Variants in NEK1 observed in about 807,000 individuals in gnomAD.
NEK1 encodes the protein serine/threonine-protein kinase Nek1.
A neutral mutation model predicts 182.1 loss-of-function variants in NEK1; 137 were observed. That is an observed-to-expected ratio of 0.75 (90% CI 0.65 to 0.87). NEK1 has a LOEUF of 0.87. Ranked by LOEUF, NEK1 falls within the 40% of genes least tolerant of loss-of-function variation. The pLI is 0.00. For synonymous variants in NEK1, 513 were observed against 492.2 expected (o/e 1.04, Z -0.56); for missense variants, 1,391 against 1,494.4 (o/e 0.93, Z 1.14).
chr4:169,524,672 G>C (rs1430226991), intron 19 of NEK1, among the ~76,000 whole-genome samples: 1 of 152,150 alleles, frequency 6.6e-6, no homozygotes, highest in Non-Finnish European at 1.5e-5. Flanking sequence ...GAAAAAAGAT[G>C]AAATAGGGGT....
intron 10 of NEK1, among the ~76,000 whole-genome samples, chr4:169,581,433 A>C (rs1766634274): frequency 6.6e-6 from 1 of 151,962 alleles, no homozygotes; most frequent in Non-Finnish European, 1.5e-5. Context: ...TGCCAGGCTG[A>C]TTTAAAAAAA....
intron 28 of NEK1, among the ~76,000 whole-genome samples, chr4:169,435,525 G>A (rs1189507242): frequency 6.6e-6 from 1 of 152,118 alleles, no homozygotes; most frequent in Non-Finnish European, 1.5e-5. Context: ...TCAACTAGAG[G>A]GAGCTCTGTT....
rs10007936 is a variant in NEK1 at position 169,587,300 on chromosome 4, T to C, written c.606+259A>G. 0.089 allele frequency among the ~76,000 whole-genome samples: 13,521 copies of C among 151,768 alleles called. 788 individuals carry two copies. Among genetic ancestry groups the C allele is most frequent in the African/African-American group, 0.16 (6,732 of 41,402 alleles). On this transcript the variant is annotated intron_variant, in intron 9 of 35. Transcript: ENST00000507142. ...CATACAAAATTTAACATTAAGAAAA[T>C]AGCAAAATTTATTTCTGTCATTAGA... is the stretch of plus-strand genomic sequence containing the variant.
chr4:169,478,046 T>C (rs1747291505), intron 24 of NEK1, among the ~76,000 whole-genome samples: 1 of 152,050 alleles, frequency 6.6e-6, no homozygotes, highest in African/African-American at 2.4e-5. Flanking sequence ...CTGAGTCATT[T>C]GTACTACAAA....
At chr4:169,400,790 T>C in intron 33 of NEK1, 139 bp from the exon 34 acceptor site, 1 of 595,344 alleles carries the variant, frequency 1.7e-6, no homozygotes, top group Non-Finnish European at 2.6e-6. Context: ...GTTTTTGTCA[T>C]TTTAATATTT....
chr4:169,475,866 C>G (rs1381099725), intron 26 of NEK1, among the ~76,000 whole-genome samples: 1 of 151,994 alleles, frequency 6.6e-6, no homozygotes, highest in African/African-American at 2.4e-5. Context: ...AAAAGACTAT[C>G]ATCTATTAAA....
At chr4:169,431,756 C>G (rs1426453978) in intron 29 of NEK1, among the ~76,000 whole-genome samples, 1 of 150,882 alleles carries the variant, frequency 6.6e-6, no homozygotes, top group African/African-American at 2.4e-5. Context: ...AAATTAGACT[C>G]CGTCTCCACC....
At chr4:169,438,457 C>A (rs1031486750) in intron 27 of NEK1, among the ~76,000 whole-genome samples, 198 bp from the exon 28 acceptor site, 1 of 152,166 alleles carries the variant, frequency 6.6e-6, no homozygotes, top group African/African-American at 2.4e-5. Context: ...ATAATAATTT[C>A]TATGGTGGTC....
At chr4:169,445,643 T>C (rs1740353191) in intron 27 of NEK1, among the ~76,000 whole-genome samples, 1 of 149,808 alleles carries the variant, frequency 6.7e-6, no homozygotes, top group Admixed American at 6.6e-5. Flanking sequence ...GACACAAAGG[T>C]GAAAATAATA....
chr4:169,581,612 T>C (rs1766665940), intron 10 of NEK1, among the ~76,000 whole-genome samples: 1 of 152,168 alleles, frequency 6.6e-6, no homozygotes, highest in Non-Finnish European at 1.5e-5. Context: ...GTTCTCCAGA[T>C]AGAGGCTTTC....
chr4:169,437,223 AT>A (rs57720571), intron 28 of NEK1, among the ~76,000 whole-genome samples: 150,796 of 151,524 alleles, frequency 1, 75,037 homozygotes, highest in Middle Eastern at 1. Context: ...CAAATAACTA[AT>A]TTTTTTTTTT....
intron 27 of NEK1, among the ~76,000 whole-genome samples, chr4:169,452,802 A>G (rs1367241905): frequency 6.6e-6 from 1 of 152,186 alleles, no homozygotes; most frequent in Non-Finnish European, 1.5e-5. Context: ...TAGTGTTGGA[A>G]GTTCTGGCCA....
chr4:169,511,798 C>T (rs538031462), intron 19 of NEK1, among the ~76,000 whole-genome samples: 51 of 152,208 alleles, frequency 3.4e-4, no homozygotes, highest in Middle Eastern at 3.4e-3. Flanking sequence ...CCTAACCCAT[C>T]GACCATTAAA....
At chr4:169,417,754 T>C (rs904609837) in intron 31 of NEK1, among the ~76,000 whole-genome samples, 5 of 152,122 alleles carry the variant, frequency 3.3e-5, no homozygotes, top group Admixed American at 6.5e-5. Context: ...ACAAAATACA[T>C]GACATTGTGT....
At chr4:169,424,442 G>T in intron 31 of NEK1, 111 bp downstream of exon 31, 1 of 1,240,772 alleles carries the variant, frequency 8.1e-7, no homozygotes, top group Non-Finnish European at 1.1e-6. Context: ...TGTTGGATGT[G>T]TGTTTGTGTC....
In NEK1 at chr4:169,562,181, C is replaced by G. The variant is rs374347230; in HGVS notation, c.1036G>C (p.Glu346Gln). 3.2e-6 allele frequency: 5 copies of G among 1,547,800 alleles called. No homozygotes were observed. The Admixed American group carries it at 5.9e-5, about 18-fold the overall frequency. ...QKHKQAHQTP[E>Q]KRVNTGEERR... ...TCTTCTCCAGTATTCACTCTCTTCT[C>G]TGGAGTTTGATGGGCCTGGACAAAA... The change falls in exon 13 of 36, where the codon GAG becomes CAG. Residue 346 changes from glutamate (E) to glutamine (Q), a missense_variant. Physicochemically the swap from Glu to Gln is conservative, Grantham distance 29. Around this residue, in one of 5 missense-constraint regions of NEK1, gnomAD observed 1,216 missense variants for 1,277.6 expected, o/e 0.95. Transcript: ENST00000507142.
In NEK1 at chr4:169,392,878, C is replaced by G. The variant is rs1039841202; in HGVS notation, c.*1632G>C. The G allele has an allele frequency of 6.6e-6, 1 of 152,150 alleles. No homozygotes were observed. The highest frequency in any genetic ancestry group is 1.5e-5 in the Non-Finnish European group (1 of 68,028). The allele number at this position is 152,150 out of a possible 1,614,324, so 9.4% of individuals were successfully genotyped here. On this transcript the variant is annotated 3_prime_UTR_variant, in exon 36 of 36. Transcript: ENST00000507142. ...TGTCAATTCCAACACTTATAATAGACCTTACTGAAAAATAGCCCTTTTCCT... is the reference window on the plus strand; with the variant it reads ...TGTCAATTCCAACACTTATAATAGAGCTTACTGAAAAATAGCCCTTTTCCT...
chr4:169,539,173 C>A (rs914991161), intron 18 of NEK1, among the ~76,000 whole-genome samples: 1 of 152,126 alleles, frequency 6.6e-6, no homozygotes, highest in African/African-American at 2.4e-5. Context: ...ATCCAGAAAT[C>A]CACTTCACCA....
chr4:169,411,039 A>C (rs1733587382), intron 31 of NEK1, among the ~76,000 whole-genome samples: 1 of 152,218 alleles, frequency 6.6e-6, no homozygotes, highest in Non-Finnish European at 1.5e-5. Flanking sequence ...TGTGGTGAGC[A>C]CAAATAGCTC....
Sources: allele counts gnomAD v4.1 joint callset (sites outside exome capture counted in the v4.1 genomes callset), GRCh38; gene constraint gnomAD v4.1.1; regional missense constraint gnomAD v4.1.1; transcripts MANE v1.5; gene names NCBI Gene and HGNC (gene_info 2026-07-23, HGNC 2026-07-21).